Variants in IGSF11 observed in about 807,000 individuals in gnomAD.
IGSF11 encodes the protein CXADR like 1.
In IGSF11, 22 loss-of-function variants were observed where a neutral mutation model predicts 41.0. The observed-to-expected ratio is 0.54, with a 90% confidence interval of 0.38 to 0.77. The LOEUF (loss-of-function observed/expected upper bound fraction) is 0.77. Among genes scored for constraint, IGSF11 ranks in the 30% least tolerant of loss-of-function variants. IGSF11 has a pLI of 0.00. For missense variants in IGSF11, 444 were observed against 530.8 expected (o/e 0.84, Z 1.61); for synonymous variants, 219 against 201.3 (o/e 1.09, Z -0.74).
intron 1 of IGSF11, among the ~76,000 whole-genome samples, chr3:118,967,977 A>AAG (rs142007678): frequency 7.3e-5 from 11 of 150,742 alleles, no homozygotes; most frequent in Non-Finnish European, 8.9e-5. Flanking sequence ...TCCAGTAGGA[A>AAG]AGAGAGAGAG....
chr3:118,973,664 A>G (rs1933710995), intron 1 of IGSF11, among the ~76,000 whole-genome samples: 1 of 152,232 alleles, frequency 6.6e-6, no homozygotes. Context: ...AAAATATAAC[A>G]GAAAATAAGT....
At chr3:119,034,165 T>C (rs1366953612) in intron 1 of IGSF11, among the ~76,000 whole-genome samples, 1 of 152,228 alleles carries the variant, frequency 6.6e-6, no homozygotes, top group African/African-American at 2.4e-5. Flanking sequence ...GGCCGCCTAG[T>C]AAAGACAACT....
chr3:118,930,145 G>T lies in IGSF11; in HGVS notation c.183C>A (p.Val61=), dbSNP rs753784074. ...ALINLNVIWM[V]TPLSNANQPE... ...GTTGGTTGGCATTGGAGAGAGGAGT[G>T]ACCATCCAAATGACATTGAGGTTAA... Residue 61 remains valine (V), a synonymous_variant, in exon 2 of 7, where the codon GTC becomes GTA. Transcript: ENST00000393775. 6.2e-7 allele frequency: 1 copy of T among 1,613,730 alleles called. No homozygotes were observed. The highest frequency in any genetic ancestry group is 8.5e-7 in the Non-Finnish European group (1 of 1,179,830).
intron 1 of IGSF11, among the ~76,000 whole-genome samples, chr3:119,114,176 T>C (rs1029462973): frequency 6.6e-6 from 1 of 152,220 alleles, no homozygotes; most frequent in African/African-American, 2.4e-5. Flanking sequence ...ATTTTCCCCA[T>C]TGTCTTGGCT....
chr3:119,142,650 A>G (rs1026774504), intron 1 of IGSF11, among the ~76,000 whole-genome samples: 1 of 152,128 alleles, frequency 6.6e-6, no homozygotes, highest in Non-Finnish European at 1.5e-5. Context: ...GCTCCAGAAA[A>G]AGAGGAGAGA....
At position 119,092,996 on chromosome 3, in the gene IGSF11, T is replaced by C. The variant is rs1576789672; in HGVS notation, c.49+12148A>G. On this transcript the variant is annotated intron_variant, in intron 1 of 6. Transcript: ENST00000354673. ...TGGTAGACTATCCCATCGAGGTTTG[T>C]GTCAGTACACTGTATGATGTTTGCA... Among the ~76,000 whole-genome samples the C allele has an allele frequency of 2.0e-5, 3 of 152,296 alleles. No individual in the cohort carries two copies. The South Asian group carries it at 6.2e-4, about 32-fold the overall frequency.
At chr3:118,962,821 AG>A (rs1353956150) in intron 1 of IGSF11, among the ~76,000 whole-genome samples, 1 of 152,192 alleles carries the variant, frequency 6.6e-6, no homozygotes, top group Non-Finnish European at 1.5e-5. Flanking sequence ...AATAACTGGA[AG>A]GGCAAGAAAA....
At chr3:118,964,400 G>GA (rs945247209) in intron 1 of IGSF11, among the ~76,000 whole-genome samples, 6 of 151,784 alleles carry the variant, frequency 4.0e-5, no homozygotes, top group African/African-American at 9.7e-5. Context: ...GCTAAAGAGG[G>GA]AAAAAAAGGG....
chr3:119,099,718 C>T (rs1276337469), intron 1 of IGSF11, among the ~76,000 whole-genome samples: 2 of 152,174 alleles, frequency 1.3e-5, no homozygotes, highest in African/African-American at 4.8e-5. Flanking sequence ...CCTTGAATGC[C>T]ATCAAGAAAT....
At chr3:118,921,735 G>T (rs780326266) in intron 4 of IGSF11, among the ~76,000 whole-genome samples, 1 of 152,094 alleles carries the variant, frequency 6.6e-6, no homozygotes, top group Admixed American at 6.6e-5. Flanking sequence ...TTTTTGTATA[G>T]AGAATTCTAT....
intron 1 of IGSF11, among the ~76,000 whole-genome samples, chr3:119,137,260 G>A (rs1367350991): frequency 1.3e-5 from 2 of 151,714 alleles, no homozygotes; most frequent in African/African-American, 2.4e-5. Context: ...ATCCAGAATA[G>A]CCAAAGCTAT....
At chr3:119,003,152 G>A (rs1373717176) in intron 1 of IGSF11, among the ~76,000 whole-genome samples, 3 of 143,166 alleles carry the variant, frequency 2.1e-5, no homozygotes. Context: ...ATTTCATTGA[G>A]CAGTGGTTTG....
chr3:119,134,375 A>G (rs2077526856), intron 1 of IGSF11, among the ~76,000 whole-genome samples: 2 of 152,250 alleles, frequency 1.3e-5, no homozygotes, highest in Admixed American at 1.3e-4. Context: ...AGCTCAGTAT[A>G]CAAAATCAAT....
At chr3:119,123,291 G>A (rs979751392) in intron 1 of IGSF11, among the ~76,000 whole-genome samples, 1 of 152,172 alleles carries the variant, frequency 6.6e-6, no homozygotes, top group Non-Finnish European at 1.5e-5. Flanking sequence ...GAATGGGAAG[G>A]ACTATGTCTT....
intron 1 of IGSF11, among the ~76,000 whole-genome samples, chr3:118,992,107 TAC>T (rs1217664848): frequency 6.6e-6 from 1 of 152,232 alleles, no homozygotes; most frequent in Non-Finnish European, 1.5e-5. Flanking sequence ...TGGAAATCAG[TAC>T]TTTCCAGCAA....
At chr3:119,125,661 T>G (rs2077394438) in intron 1 of IGSF11, among the ~76,000 whole-genome samples, 1 of 152,098 alleles carries the variant, frequency 6.6e-6, no homozygotes, top group African/African-American at 2.4e-5. Flanking sequence ...CTCAGAGGAC[T>G]TTACAGCTCC....
upstream of IGSF11, among the ~76,000 whole-genome samples, chr3:119,106,341 A>G (rs143233648): frequency 0.015 from 2,336 of 152,174 alleles, 29 homozygotes; most frequent in Non-Finnish European, 0.025. Context: ...ATTAACCATC[A>G]CCATTTCCCC....
At chr3:118,907,341 T>C (rs1939730505) in intron 4 of IGSF11, among the ~76,000 whole-genome samples, 1 of 152,212 alleles carries the variant, frequency 6.6e-6, no homozygotes, top group African/African-American at 2.4e-5. Flanking sequence ...CTTGGTTTTC[T>C]GAGGATGGTG....
intron 1 of IGSF11, among the ~76,000 whole-genome samples, chr3:119,126,750 C>T (rs1363329257): frequency 6.6e-6 from 1 of 152,036 alleles, no homozygotes; most frequent in South Asian, 2.1e-4. Context: ...TGAAGCAAAT[C>T]CCCAGCAAAC....
Sources: gnomAD v4.1 joint callset for allele counts (sites outside exome capture counted in the v4.1 genomes callset) on GRCh38, gnomAD v4.1.1 for gene constraint, MANE v1.5 for transcripts, NCBI Gene and HGNC (gene_info 2026-07-23, HGNC 2026-07-21) for gene names.